RRH: variants seen among roughly 807,000 people sequenced by gnomAD.
The protein encoded by RRH is visual pigment-like receptor peropsin.
RRH carries 36 observed loss-of-function variants against 33.1 expected under a neutral mutation model. The ratio of observed to expected loss-of-function variants is 1.09; its 90% CI spans 0.83 to 1.44. The LOEUF is 1.44. RRH is among the 40% of genes most tolerant of loss of function. The pLI is 0.00. For missense variants in RRH, 393 were observed against 420.2 expected (o/e 0.94, Z 0.57); for synonymous variants, 124 against 140.2 (o/e 0.88, Z 0.82).
intron 6 of RRH, among the ~76,000 whole-genome samples, chr4:109,843,138 C>A (rs1286274157): frequency 6.6e-6 from 1 of 152,208 alleles, no homozygotes; most frequent in Admixed American, 6.5e-5. Context: ...TTAGTCCCAA[C>A]ATAAAAGGCA....
At chr4:109,839,166 A>G (rs1733941171) in intron 5 of RRH, among the ~76,000 whole-genome samples, 2 of 151,268 alleles carry the variant, frequency 1.3e-5, no homozygotes, top group Admixed American at 1.3e-4. Flanking sequence ...GGTCTAGGAT[A>G]AGGGTGAGGA....
intron 5 of RRH, among the ~76,000 whole-genome samples, chr4:109,840,920 A>C (rs1010806199): frequency 5.3e-5 from 8 of 151,976 alleles, no homozygotes; most frequent in African/African-American, 1.9e-4. Context: ...TATTATTACT[A>C]TTATGACCAC....
At chr4:109,828,299 A>C (rs1446393824) in intron 1 of RRH, among the ~76,000 whole-genome samples, 166 bp downstream of exon 1, 1 of 151,798 alleles carries the variant, frequency 6.6e-6, no homozygotes, top group Admixed American at 6.6e-5. Flanking sequence ...ATGATACTCT[A>C]TTTCTGGGCT....
At chr4:109,833,428 A>G in intron 2 of RRH, 99 bp downstream of exon 2, 3 of 909,798 alleles carry the variant, frequency 3.3e-6, no homozygotes, top group Non-Finnish European at 1.8e-6. Context: ...TGAATATTGT[A>G]GAATAATAGA....
At chr4:109,837,932 C>T (rs935731474) in intron 5 of RRH, among the ~76,000 whole-genome samples, 3 of 152,132 alleles carry the variant, frequency 2.0e-5, no homozygotes, top group African/African-American at 7.2e-5. Context: ...CCTGCTGCCA[C>T]ACTTGGCTAA....
intron 1 of RRH, among the ~76,000 whole-genome samples, chr4:109,829,767 C>T (rs1363280951): frequency 6.6e-6 from 1 of 152,084 alleles, no homozygotes; most frequent in Admixed American, 6.6e-5. Flanking sequence ...GTTCTAGAGC[C>T]CTCACATATA....
intron 1 of RRH, among the ~76,000 whole-genome samples, chr4:109,830,959 G>T (rs993168045): frequency 6.6e-6 from 1 of 152,084 alleles, no homozygotes; most frequent in African/African-American, 2.4e-5. Flanking sequence ...ACTGTGAAAT[G>T]GGACTTAACT....
At chr4:109,832,162 C>T (rs1222625786) in intron 1 of RRH, among the ~76,000 whole-genome samples, 1 of 146,988 alleles carries the variant, frequency 6.8e-6, no homozygotes, top group Non-Finnish European at 1.5e-5. Flanking sequence ...TACTCACACC[C>T]CACCCCCTCA....
rs370590600 is a variant in RRH at position 109,828,059 on chromosome 4, A to G, written c.32A>G (p.Asp11Gly). 16 of 1,612,284 alleles carry G rather than the reference A, an allele frequency of 9.9e-6. No individual in the cohort carries two copies. The African/African-American group carries it at 2.0e-4, about 20-fold the overall frequency. The change falls in exon 1 of 7, where the codon GAC becomes GGC. Residue 11 changes from aspartate (D) to glycine (G), a missense_variant. By Grantham distance (94) the Asp-to-Gly change is moderately conservative. Transcript: ENST00000317735. MLRNNLGNSS[D>G]SKNEDGSVFS... ...AGAAATAATTTAGGCAACAGTTCAG[A>G]CTCTAAAAATGAAGATGGCTCGGTC...
chr4:109,838,443 C>A (rs1156793923), intron 5 of RRH, among the ~76,000 whole-genome samples: 1 of 152,148 alleles, frequency 6.6e-6, no homozygotes, highest in African/African-American at 2.4e-5. Context: ...CCTTCATCAC[C>A]AGCTCAGGAT....
intron 5 of RRH, among the ~76,000 whole-genome samples, chr4:109,840,227 T>A (rs1004025408): frequency 6.9e-6 from 1 of 145,074 alleles, no homozygotes; most frequent in Non-Finnish European, 1.5e-5. Flanking sequence ...AGTGATGAGC[T>A]TTTTTTTTTT....
chr4:109,843,483 A>G (rs918897191), intron 6 of RRH, among the ~76,000 whole-genome samples: 4 of 152,244 alleles, frequency 2.6e-5, no homozygotes, highest in African/African-American at 9.6e-5. Flanking sequence ...CGCTGGGATT[A>G]CAGGCGTGAG....
chr4:109,830,508 G>A (rs1374768233), intron 1 of RRH, among the ~76,000 whole-genome samples: 1 of 152,124 alleles, frequency 6.6e-6, no homozygotes, highest in African/African-American at 2.4e-5. Context: ...TGTGGGAGAA[G>A]GAGAGAAGTA....
At chr4:109,843,252 A>T (rs1209245445) in intron 6 of RRH, among the ~76,000 whole-genome samples, 1 of 152,144 alleles carries the variant, frequency 6.6e-6, no homozygotes, top group Non-Finnish European at 1.5e-5. Flanking sequence ...TCTCTCTGTC[A>T]CCCAGGCTGG....
Position 109,834,496 on chromosome 4 carries a change from A to ATTT in RRH, c.298-861_298-859dup, listed in dbSNP as rs58832355. On this transcript the variant is annotated intron_variant, in intron 2 of 6. Coordinates refer to ENST00000317735, the MANE Select transcript of RRH (RefSeq NM_006583.5). The stretch of plus-strand genomic sequence containing the variant: ...AGGTGCCTGCCACCAAGCCTGGCTA[A>ATTT]TTTTTTTTTTTGTATTTTTTTTTTT... Among the ~76,000 whole-genome samples the ATTT allele has an allele frequency of 1.4e-4, 19 of 140,010 alleles. No individual in the cohort carries two copies. In the South Asian group the frequency reaches 3.7e-3, roughly 27 times the overall value. The allele number at this position is 140,010 out of a possible 152,430, so 91.9% of individuals were successfully genotyped here.
chr4:109,836,597 A>G (rs1182989838), intron 4 of RRH, among the ~76,000 whole-genome samples: 2 of 152,226 alleles, frequency 1.3e-5, no homozygotes, highest in Non-Finnish European at 2.9e-5. Context: ...ACTGCGTAGC[A>G]AAAGCACAGT....
At chr4:109,839,775 T>A (rs1241081278) in intron 5 of RRH, among the ~76,000 whole-genome samples, 3 of 152,246 alleles carry the variant, frequency 2.0e-5, no homozygotes, top group African/African-American at 4.8e-5. Flanking sequence ...TCGATGTCCC[T>A]GCAAAGGACA....
chr4:109,830,607 G>A (rs1027086215), intron 1 of RRH, among the ~76,000 whole-genome samples: 2 of 152,138 alleles, frequency 1.3e-5, no homozygotes, highest in Non-Finnish European at 2.9e-5. Context: ...GGAAGAACAG[G>A]TTTGAGGCAG....
chr4:109,828,149 T>C lies in RRH; in HGVS notation c.106+16T>C, dbSNP rs1733675048. On this transcript the variant is annotated intron_variant, in intron 1 of 6. Coordinates refer to ENST00000317735, the MANE Select transcript of RRH (RefSeq NM_006583.5). ...ATTATGGCAGGTATGGATATTTAAG[T>C]AAGTTATTTTTCTTTAGAATGGGTG... 2 of 1,536,580 alleles carry C rather than the reference T, an allele frequency of 1.3e-6. No individual in the cohort carries two copies. Among genetic ancestry groups the C allele is most frequent in the Non-Finnish European group, 1.8e-6 (2 of 1,110,408 alleles).
Sources: allele counts gnomAD v4.1 joint callset (sites outside exome capture counted in the v4.1 genomes callset), GRCh38; gene constraint gnomAD v4.1.1; transcripts MANE v1.5; gene names NCBI Gene and HGNC (gene_info 2026-07-23, HGNC 2026-07-21).